Variants in MRPL17 observed in about 807,000 individuals in gnomAD.
The protein encoded by MRPL17 is large ribosomal subunit protein bL17m.
MRPL17 carries 8 observed loss-of-function variants against 12.0 expected under a neutral mutation model. That is an observed-to-expected ratio of 0.67 (90% CI 0.39 to 1.21). MRPL17 has a LOEUF of 1.21. Ranked by LOEUF, MRPL17 falls within the 50% of genes most tolerant of loss-of-function variation. The probability of loss-of-function intolerance (pLI) is 0.01; values close to 1 mark genes in which losing one functional copy is unlikely to be tolerated. For synonymous variants in MRPL17, 107 were observed against 92.9 expected, an observed-to-expected ratio of 1.15 and a Z score of -0.87; for missense variants, 263 against 234.4, an observed-to-expected ratio of 1.12 and a Z score of -0.80.
chr11:6,681,864 G>T lies in MRPL17; in HGVS notation c.*254C>A. The T allele has an allele frequency of 3.8e-6, 1 of 261,824 alleles. No homozygotes were observed. Among genetic ancestry groups the T allele is most frequent in the Non-Finnish European group, 7.0e-6 (1 of 142,928 alleles). 16.2% of individuals were successfully genotyped at this position (261,824 alleles called of 1,614,324 possible). A position where few individuals can be genotyped will look rare whatever the true frequency, so the allele number is the denominator to read the frequency against. ...AGCCATGAATTTACTATCTCAGGTA[G>T]ACTGAGCATTTGGATAATTCTCATT... is the stretch of plus-strand genomic sequence containing the variant. On this transcript the variant is annotated 3_prime_UTR_variant, in exon 3 of 3. Coordinates refer to ENST00000288937, the MANE Select transcript of MRPL17 (RefSeq NM_022061.4).
chr11:6,682,506 C>A, intron 2 of MRPL17, 104 bp from the exon 3 acceptor site: 2 of 1,305,276 alleles, frequency 1.5e-6, no homozygotes, highest in South Asian at 2.8e-5. Context: ...CATAGAAAGA[C>A]CTCCCCCTCC....
At chr11:6,682,986 G>C in intron 1 of MRPL17, 137 bp downstream of exon 1, 1 of 1,340,470 alleles carries the variant, frequency 7.5e-7, no homozygotes, top group South Asian at 1.4e-5. Context: ...ATGGAGGGGC[G>C]GGTTCAGCCC....
Position 6,680,764 on chromosome 11 carries a change from T to A in MRPL17, c.*1354A>T, listed in dbSNP as rs905546140. The A allele has an allele frequency of 6.6e-6, 1 of 152,220 alleles. No individual in the cohort carries two copies. The highest frequency in any genetic ancestry group is 2.1e-4 in the South Asian group (1 of 4,838). The allele number at this position is 152,220 out of a possible 1,614,324, so 9.4% of individuals were successfully genotyped here. On this transcript the variant is annotated 3_prime_UTR_variant, in exon 3 of 3. Coordinates refer to ENST00000288937, the MANE Select transcript of MRPL17 (RefSeq NM_022061.4). ...TTCATGCTAAGACAGAAGAGGGGTA[T>A]ATTTTTTAGCAGAAGCAGAGTTGTA...
Position 6,682,764 on chromosome 11 carries a change from C to CA in MRPL17, c.225_226insT (p.Ala76CysfsTer2), listed in dbSNP as rs1846581591. 6.2e-7 allele frequency: 1 copy of CA among 1,614,036 alleles called. No homozygotes were observed. The highest frequency in any genetic ancestry group is 8.5e-7 in the Non-Finnish European group (1 of 1,180,010). The stretch of plus-strand genomic sequence containing the variant: ...GCACTCACTGTGAGCCAGAAGTCAG[C>CA]CATGCGCATGGCTCGTTCGTTAGTG... On this transcript the variant is annotated frameshift_variant, in exon 2 of 3. Coordinates refer to ENST00000288937, the MANE Select transcript of MRPL17 (RefSeq NM_022061.4). LOFTEE classifies it high-confidence loss of function.
chr11:6,682,799 T>C lies in MRPL17; in HGVS notation c.191A>G (p.Lys64Arg), dbSNP rs1390649624. The C allele has an allele frequency of 5.6e-6, 9 of 1,614,048 alleles. No individual in the cohort carries two copies. Among genetic ancestry groups the C allele is most frequent in the Non-Finnish European group, 7.6e-6 (9 of 1,180,014 alleles). Residue 64 changes from lysine (K) to arginine (R), a missense_variant, in exon 2 of 3, where the codon AAG (lysine) becomes AGG (arginine). Physicochemically the swap from Lys to Arg is conservative, Grantham distance 26. Coordinates refer to ENST00000288937, the MANE Select transcript of MRPL17 (RefSeq NM_022061.4). ...GGCTCGTTCGTTAGTGTCTCCCAGC[T>C]TCCCATAGTCGATGAGCTGTGAGGA... ...GYAEKLIDYG[K>R]LGDTNERAMR... is the part of the protein sequence containing the mutation.
intron 1 of MRPL17, 76 bp downstream of exon 1, chr11:6,683,047 G>A (rs1846585574): frequency 6.5e-7 from 1 of 1,539,822 alleles, no homozygotes; most frequent in Admixed American, 1.9e-5. Context: ...GTTGGTCCCG[G>A]TCCCTTTCCA....
chr11:6,682,041 C>T lies in MRPL17; in HGVS notation c.*77G>A, dbSNP rs1286668655. 41 of 1,510,664 alleles carry T rather than the reference C, an allele frequency of 2.7e-5. No homozygotes were observed. The highest frequency in any genetic ancestry group is 3.6e-5 in the Non-Finnish European group (40 of 1,122,718). The allele number at this position is 1,510,664 out of a possible 1,614,324, so 93.6% of individuals were successfully genotyped here. On this transcript the variant is annotated 3_prime_UTR_variant, in exon 3 of 3. Coordinates refer to ENST00000288937, the MANE Select transcript of MRPL17 (RefSeq NM_022061.4). ...CCATTTTACATCTCTAGCTCCAGTT[C>T]TTCTCAGAGAGTAAAAGTGCTCCAA... is the stretch of plus-strand genomic sequence containing the variant.
At position 6,683,175 on chromosome 11, in the gene MRPL17, C is replaced by G; in HGVS notation, c.122G>C (p.Arg41Pro). The change falls in exon 1 of 3, where the codon CGC (arginine) becomes CCC (proline). Residue 41 changes from arginine (R) to proline (P), a missense_variant. Physicochemically the swap from Arg to Pro is moderately radical, Grantham distance 103. Coordinates refer to ENST00000288937, the MANE Select transcript of MRPL17 (RefSeq NM_022061.4). ...CACACGCGCCCATGGTGCCTCGATG[C>G]GTTCGTGCCGCACCAGCCCTGTGAG... ...NLLTGLVRHE[R>P]IEAPWARVDE... is the part of the protein sequence containing the mutation. 2.5e-6 allele frequency: 4 copies of G among 1,614,162 alleles called. No homozygotes were observed. Among genetic ancestry groups the G allele is most frequent in the South Asian group, 2.2e-5 (2 of 91,088 alleles).
Position 6,682,165 on chromosome 11 carries a change from C to G in MRPL17, c.481G>C (p.Glu161Gln). 1 of 1,614,072 alleles carries G rather than the reference C, an allele frequency of 6.2e-7. No homozygotes were observed. Among genetic ancestry groups the G allele is most frequent in the East Asian group, 2.2e-5 (1 of 44,872 alleles). ...GLRQDLRQSQ[E>Q]ASNHSSHTAQ... ...GTGTGGGAGCTGTGGTTGCTTGCTT[C>G]CTGGCTTTGCCTGAGGTCCTGCCGC... The change falls in exon 3 of 3, where the codon GAA (glutamate) becomes CAA (glutamine). Residue 161 changes from glutamate (E) to glutamine (Q), a missense_variant. Coordinates refer to ENST00000288937, the MANE Select transcript of MRPL17 (RefSeq NM_022061.4).
In MRPL17 at chr11:6,682,773, T is replaced by C; in HGVS notation, c.217A>G (p.Met73Val). The C allele has an allele frequency of 6.2e-7, 1 of 1,614,182 alleles. No homozygotes were observed. Among genetic ancestry groups the C allele is most frequent in the Middle Eastern group, 1.7e-4 (1 of 6,054 alleles). ...GTGAGCCAGAAGTCAGCCATGCGCATGGCTCGTTCGTTAGTGTCTCCCAGC... is the reference window on the plus strand; with the variant it reads ...GTGAGCCAGAAGTCAGCCATGCGCACGGCTCGTTCGTTAGTGTCTCCCAGC... ...GKLGDTNERA[M>V]RMADFWLTEK... is the part of the protein sequence containing the mutation. Residue 73 changes from methionine (M) to valine (V), a missense_variant, in exon 2 of 3, where the codon ATG (methionine) becomes GTG (valine). Met to Val is a conservative substitution (Grantham distance 21, BLOSUM62 1). Coordinates refer to ENST00000288937, the MANE Select transcript of MRPL17 (RefSeq NM_022061.4).
In MRPL17 at chr11:6,681,973, G is replaced by T; in HGVS notation, c.*145C>A. 1.3e-6 allele frequency: 1 copy of T among 756,166 alleles called. No homozygotes were observed. The highest frequency in any genetic ancestry group is 2.1e-6 in the Non-Finnish European group (1 of 486,368). 46.8% of individuals were successfully genotyped at this position (756,166 alleles called of 1,614,324 possible). ...CTTTTATCTATTGTGCAAAGAGAGG[G>T]TCATCTGGCTCCCCAGAAGGTTCTC... On this transcript the variant is annotated 3_prime_UTR_variant, in exon 3 of 3. Coordinates refer to ENST00000288937, the MANE Select transcript of MRPL17 (RefSeq NM_022061.4).
chr11:6,682,450 G>C lies in MRPL17; in HGVS notation c.244-48C>G, dbSNP rs769575375. 73 of 1,584,096 alleles carry C rather than the reference G, an allele frequency of 4.6e-5. No homozygotes were observed. The African/African-American group carries it at 7.8e-4, about 17-fold the overall frequency. ...GACAGCAGAGTCAGGCAAAACTGCA[G>C]AGGCATTTAACTTTACACCATTCCC... On this transcript the variant is annotated intron_variant, in intron 2 of 2. Transcript: ENST00000288937.
chr11:6,681,962 G>A lies in MRPL17; in HGVS notation c.*156C>T. ...TCATATAAAGACTTTTATCTATTGTGCAAAGAGAGGGTCATCTGGCTCCCC... is the reference window on the plus strand; with the variant it reads ...TCATATAAAGACTTTTATCTATTGTACAAAGAGAGGGTCATCTGGCTCCCC... On this transcript the variant is annotated 3_prime_UTR_variant, in exon 3 of 3. Coordinates refer to ENST00000288937, the MANE Select transcript of MRPL17 (RefSeq NM_022061.4). 2 of 634,552 alleles carry A rather than the reference G, an allele frequency of 3.2e-6. No individual in the cohort carries two copies. Among genetic ancestry groups the A allele is most frequent in the Non-Finnish European group, 5.2e-6 (2 of 385,626 alleles). The allele number at this position is 634,552 out of a possible 1,614,324, so 39.3% of individuals were successfully genotyped here.
chr11:6,681,684 A>C lies in MRPL17; in HGVS notation c.*434T>G, dbSNP rs1846565200. 6.6e-6 allele frequency: 1 copy of C among 152,398 alleles called. No individual in the cohort carries two copies. Among genetic ancestry groups the C allele is most frequent in the African/African-American group, 2.4e-5 (1 of 41,446 alleles). 9.4% of individuals were successfully genotyped at this position (152,398 alleles called of 1,614,324 possible). ...GTCAGGAAGTAATCTTTCTCTAAGA[A>C]ATCCCAAGCACTCATCTCTAGGAGA... On this transcript the variant is annotated 3_prime_UTR_variant, in exon 3 of 3. Transcript: ENST00000288937.
At position 6,682,798 on chromosome 11, in the gene MRPL17, C is replaced by G. The variant is rs775643024; in HGVS notation, c.192G>C (p.Lys64Asn). 2.7e-5 allele frequency: 44 copies of G among 1,614,176 alleles called. No homozygotes were observed. The South Asian group carries it at 4.6e-4, about 17-fold the overall frequency. ...TGGCTCGTTCGTTAGTGTCTCCCAG[C>G]TTCCCATAGTCGATGAGCTGTGAGG... ...GYAEKLIDYG[K>N]LGDTNERAMR... Residue 64 changes from lysine (K) to asparagine (N), a missense_variant, in exon 2 of 3, where the codon AAG becomes AAC. Lys to Asn is a moderately conservative substitution (Grantham distance 94). Coordinates refer to ENST00000288937, the MANE Select transcript of MRPL17 (RefSeq NM_022061.4).
chr11:6,681,948 C>A lies in MRPL17; in HGVS notation c.*170G>T, dbSNP rs967089913. Reference sequence around the variant, plus strand: ...AAATTTATATATATTCATATAAAGACTTTTATCTATTGTGCAAAGAGAGGG... The same window carrying A: ...AAATTTATATATATTCATATAAAGAATTTTATCTATTGTGCAAAGAGAGGG... On this transcript the variant is annotated 3_prime_UTR_variant, in exon 3 of 3. Transcript: ENST00000288937. 1.7e-5 allele frequency: 8 copies of A among 481,316 alleles called. No homozygotes were observed. The highest frequency in any genetic ancestry group is 3.9e-5 in the African/African-American group (2 of 51,116). 29.8% of individuals were successfully genotyped at this position (481,316 alleles called of 1,614,324 possible).
In MRPL17 at chr11:6,680,889, A is replaced by C. The variant is rs1846557031; in HGVS notation, c.*1229T>G. 1 of 152,226 alleles carries C rather than the reference A, an allele frequency of 6.6e-6. No individual in the cohort carries two copies. The highest frequency in any genetic ancestry group is 1.5e-5 in the Non-Finnish European group (1 of 68,040). 9.4% of individuals were successfully genotyped at this position (152,226 alleles called of 1,614,324 possible). A position where few individuals can be genotyped will look rare whatever the true frequency, so the allele number is the denominator to read the frequency against. Reference sequence around the variant, plus strand: ...AGAACAAACCATAGTAGAGAAAAAGAGATAAAGAGCTCTGTTGGGAGTAGA... The same window carrying C: ...AGAACAAACCATAGTAGAGAAAAAGCGATAAAGAGCTCTGTTGGGAGTAGA... On this transcript the variant is annotated 3_prime_UTR_variant, in exon 3 of 3. Transcript: ENST00000288937.
At position 6,683,117 on chromosome 11, in the gene MRPL17, C is replaced by A. The variant is rs780117781; in HGVS notation, c.174+6G>T. The A allele has an allele frequency of 5.0e-6, 8 of 1,612,468 alleles. No homozygotes were observed. In the African/African-American group the frequency reaches 8.0e-5, roughly 16 times the overall value. ...GCAGAGTGGACAAGAGGGCCGCGCT[C>A]CTCACCTTCTCCGCGTAGCCCCTCA... On this transcript the variant is annotated splice_donor_region_variant and intron_variant, in intron 1 of 2. Transcript: ENST00000288937.
intron 1 of MRPL17, 41 bp from the exon 2 acceptor site, chr11:6,682,856 A>G (rs368217017): frequency 3.7e-5 from 59 of 1,581,118 alleles, no homozygotes; most frequent in Non-Finnish European, 4.7e-5. Context: ...GAGCAAGAAA[A>G]CAAGGTGCCA....
Sources: gnomAD v4.1 joint callset for allele counts on GRCh38, gnomAD v4.1.1 for gene constraint, MANE v1.5 for transcripts, NCBI Gene and HGNC (gene_info 2026-07-23, HGNC 2026-07-21) for gene names.